Variants in PTPRD observed in about 807,000 individuals in gnomAD.
The protein encoded by PTPRD is receptor-type tyrosine-protein phosphatase delta.
Under a neutral mutation model 214.5 loss-of-function variants are expected in PTPRD, and 34 were observed. That is an observed-to-expected ratio of 0.16 (90% CI 0.12 to 0.21). The LOEUF is 0.21. PTPRD is among the 10% of genes least tolerant of loss of function. The pLI is 1.00. For synonymous variants in PTPRD, 1,128 were observed against 845.7 expected, an observed-to-expected ratio of 1.33 and a Z score of -5.79; for missense variants, 2,545 against 2,398.7, an observed-to-expected ratio of 1.06 and a Z score of -1.27.
intron 4 of PTPRD, among the ~76,000 whole-genome samples, chr9:9,957,225 G>A (rs369039495): frequency 6.6e-6 from 1 of 152,068 alleles, no homozygotes; most frequent in South Asian, 2.1e-4. Flanking sequence ...AACATTAACA[G>A]AGGCAAAGAA....
intron 12 of PTPRD, among the ~76,000 whole-genome samples, chr9:8,732,745 T>A (rs976740787): frequency 1.9e-4 from 29 of 152,270 alleles, no homozygotes; most frequent in African/African-American, 6.3e-4. Context: ...GAGCTCCTAT[T>A]TCCATGAAGC....
At chr9:9,337,916 A>G (rs1465986452) in intron 9 of PTPRD, among the ~76,000 whole-genome samples, 14 of 152,236 alleles carry the variant, frequency 9.2e-5, no homozygotes, top group Admixed American at 8.5e-4. Flanking sequence ...AAATGCAACC[A>G]TAAAATTATA....
intron 7 of PTPRD, among the ~76,000 whole-genome samples, chr9:9,580,682 G>C (rs1293909044): frequency 6.6e-6 from 1 of 151,238 alleles, no homozygotes; most frequent in African/African-American, 2.4e-5. Context: ...CTGAATAGCT[G>C]GGATTACAGG....
chr9:8,796,130 G>T (rs952437293), intron 11 of PTPRD, among the ~76,000 whole-genome samples: 4 of 152,040 alleles, frequency 2.6e-5, no homozygotes, highest in Non-Finnish European at 5.9e-5. Flanking sequence ...AAATGCTATA[G>T]GCCAATAGAT....
intron 2 of PTPRD, among the ~76,000 whole-genome samples, chr9:10,386,797 G>C (rs1328913597): frequency 1.3e-5 from 2 of 151,828 alleles, no homozygotes; most frequent in African/African-American, 2.4e-5. Flanking sequence ...CCACACCCTA[G>C]AAGCTGTGAG....
At chr9:8,962,673 T>G (rs1251795442) in intron 11 of PTPRD, 6 of 152,032 alleles carry the variant, frequency 3.9e-5, no homozygotes. Flanking sequence ...GGTACTAAAA[T>G]TACCATATTC....
intron 7 of PTPRD, among the ~76,000 whole-genome samples, chr9:9,584,456 A>G (rs1194161281): frequency 1.3e-5 from 2 of 151,920 alleles, no homozygotes; most frequent in East Asian, 3.9e-4. Context: ...TTACCTAACC[A>G]TTATATTCCT....
intron 11 of PTPRD, among the ~76,000 whole-genome samples, chr9:8,775,678 C>A (rs1462154385): frequency 6.6e-6 from 1 of 152,166 alleles, no homozygotes; most frequent in African/African-American, 2.4e-5. Context: ...TTATAAACCA[C>A]TAATTTCTAA....
chr9:8,788,627 G>C (rs1363500568), intron 11 of PTPRD, among the ~76,000 whole-genome samples: 2 of 152,020 alleles, frequency 1.3e-5, no homozygotes, highest in African/African-American at 2.4e-5. Context: ...AATCAGCAAA[G>C]GAAAAGTTAT....
intron 8 of PTPRD, among the ~76,000 whole-genome samples, chr9:9,572,718 C>A (rs1294545564): frequency 6.7e-6 from 1 of 148,196 alleles, no homozygotes; most frequent in Non-Finnish European, 1.5e-5. Context: ...TAATAAAGGA[C>A]AAATAATCTA....
At chr9:8,791,756 G>C (rs1464874045) in intron 11 of PTPRD, among the ~76,000 whole-genome samples, 1 of 151,988 alleles carries the variant, frequency 6.6e-6, no homozygotes, top group Non-Finnish European at 1.5e-5. Flanking sequence ...TGGCTAACTA[G>C]GTGACTGGTG....
intron 11 of PTPRD, among the ~76,000 whole-genome samples, chr9:8,898,519 A>T (rs2098639053): frequency 6.6e-6 from 1 of 152,248 alleles, no homozygotes; most frequent in African/African-American, 2.4e-5. Context: ...ACAAAATAAT[A>T]ATGAGTTAAT....
intron 45 of PTPRD, 113 bp from the exon 46 acceptor site, chr9:8,318,055 C>T (rs1392580392): frequency 1.0e-6 from 1 of 989,472 alleles, no homozygotes; most frequent in Non-Finnish European, 1.5e-6. Flanking sequence ...GGGGCAAAAT[C>T]ACTACTTTCG....
At chr9:8,531,609 TCAC>T (rs2075717253) in intron 14 of PTPRD, among the ~76,000 whole-genome samples, 1 of 152,116 alleles carries the variant, frequency 6.6e-6, no homozygotes, top group South Asian at 2.1e-4. Context: ...TAATCAAAAA[TCAC>T]CTTGCGATTC....
intron 3 of PTPRD, among the ~76,000 whole-genome samples, chr9:10,283,713 C>A (rs1285731013): frequency 6.6e-6 from 1 of 152,118 alleles, no homozygotes; most frequent in Admixed American, 6.5e-5. Context: ...TCAAGAACTG[C>A]CATATAGGAT....
chr9:9,289,766 C>T (rs1465282952), intron 9 of PTPRD, among the ~76,000 whole-genome samples: 3 of 151,718 alleles, frequency 2.0e-5, no homozygotes, highest in Non-Finnish European at 4.4e-5. Flanking sequence ...ACAGGTTCAA[C>T]CATAATGTCA....
intron 5 of PTPRD, among the ~76,000 whole-genome samples, chr9:9,804,579 T>G (rs552964066): frequency 4.2e-4 from 64 of 152,242 alleles, no homozygotes; most frequent in African/African-American, 1.5e-3. Context: ...CAACCAGTTC[T>G]TGGCACCTAG....
intron 9 of PTPRD, among the ~76,000 whole-genome samples, chr9:9,337,836 C>A (rs1013713418): frequency 2.0e-5 from 3 of 152,166 alleles, no homozygotes; most frequent in African/African-American, 7.2e-5. Context: ...ATCATAGGTA[C>A]AAATTACCTC....
chr9:9,712,464 A>G (rs1178511892), intron 7 of PTPRD, among the ~76,000 whole-genome samples: 2 of 152,200 alleles, frequency 1.3e-5, no homozygotes, highest in South Asian at 2.1e-4. Flanking sequence ...TGCCAAAAGC[A>G]TGATGCTCTC....
Sources: allele counts gnomAD v4.1 joint callset (sites outside exome capture counted in the v4.1 genomes callset), GRCh38; gene constraint gnomAD v4.1.1; transcripts MANE v1.5; gene names NCBI Gene and HGNC (gene_info 2026-07-23, HGNC 2026-07-21).